Variants in CNTN4 observed in about 807,000 individuals in gnomAD.
The protein encoded by CNTN4 is contactin-4.
In CNTN4, 77 loss-of-function variants were observed where a neutral mutation model predicts 122.5. That is an observed-to-expected ratio of 0.63 (90% CI 0.52 to 0.76). The LOEUF (loss-of-function observed/expected upper bound fraction) is 0.76, where lower values mean the gene tolerates loss of function less well. Ranked by LOEUF, CNTN4 falls within the 30% of genes least tolerant of loss-of-function variation. The probability of loss-of-function intolerance (pLI) is 0.00; values close to 1 mark genes in which losing one functional copy is unlikely to be tolerated. For missense variants in CNTN4, 1,256 were observed against 1,259.1 expected, an observed-to-expected ratio of 1.00 and a Z score of 0.04; for synonymous variants, 512 against 447.0, an observed-to-expected ratio of 1.15 and a Z score of -1.83.
At chr3:2,403,716 G>C (rs1291013399) in intron 3 of CNTN4, among the ~76,000 whole-genome samples, 3 of 152,104 alleles carry the variant, frequency 2.0e-5, no homozygotes, top group Admixed American at 6.5e-5. Context: ...TTCATTTACA[G>C]TATTACATCT....
intron 4 of CNTN4, among the ~76,000 whole-genome samples, chr3:2,675,871 C>T (rs1038874780): frequency 1.3e-5 from 2 of 152,154 alleles, no homozygotes; most frequent in African/African-American, 4.8e-5. Flanking sequence ...CTCATATCAA[C>T]CTCAAAGTTC....
At chr3:2,764,950 A>G (rs140204537) in intron 6 of CNTN4, among the ~76,000 whole-genome samples, 143 of 152,354 alleles carry the variant, frequency 9.4e-4, no homozygotes, top group African/African-American at 3.1e-3. Flanking sequence ...GTATGATTCC[A>G]GGTAATTTGA....
rs75578738 is a variant in CNTN4, at chr3:2,207,172, G to C, written c.-145+106533G>C. ...GTTCTGACTACTGCAGCTACCAGCC[G>C]TTCCTAGTCTCTCTGTCTCTCTTAG... On this transcript the variant is annotated intron_variant, in intron 2 of 24. Transcript: ENST00000418658. 4.2e-3 allele frequency among the ~76,000 whole-genome samples: 646 copies of C among 152,030 alleles called. 3 individuals carry two copies. Among genetic ancestry groups the C allele is most frequent in the African/African-American group, 0.015 (604 of 41,494 alleles).
chr3:3,041,394 A>G (rs1343312562), intron 20 of CNTN4, among the ~76,000 whole-genome samples: 3 of 152,224 alleles, frequency 2.0e-5, no homozygotes, highest in African/African-American at 2.4e-5. Flanking sequence ...ATAATAGTTC[A>G]TGTCTCTGGA....
chr3:2,767,013 G>C (rs1459908595), intron 6 of CNTN4, among the ~76,000 whole-genome samples: 1 of 152,142 alleles, frequency 6.6e-6, no homozygotes, highest in Non-Finnish European at 1.5e-5. Context: ...ATAAGTCAAA[G>C]CTCACTAGGA....
At chr3:2,456,096 C>A (rs753648096) in intron 3 of CNTN4, among the ~76,000 whole-genome samples, 1 of 152,048 alleles carries the variant, frequency 6.6e-6, no homozygotes, top group Non-Finnish European at 1.5e-5. Flanking sequence ...GAGATTGGGT[C>A]ACCTGCTATC....
intron 7 of CNTN4, among the ~76,000 whole-genome samples, chr3:2,865,676 C>G (rs1311344821): frequency 6.6e-6 from 1 of 152,192 alleles, no homozygotes; most frequent in East Asian, 1.9e-4. Flanking sequence ...CTGGAAATTA[C>G]ACTTTAAAGA....
chr3:2,162,346 G>C (rs1469050861), intron 2 of CNTN4, among the ~76,000 whole-genome samples: 2 of 152,182 alleles, frequency 1.3e-5, no homozygotes, highest in African/African-American at 4.8e-5. Flanking sequence ...GTTTTAAAAA[G>C]ATAACAGAAT....
At chr3:2,369,528 A>C (rs778306561) in intron 3 of CNTN4, among the ~76,000 whole-genome samples, 17 of 152,174 alleles carry the variant, frequency 1.1e-4, no homozygotes, top group Non-Finnish European at 2.5e-4. Flanking sequence ...GCAATTATGA[A>C]AGTTGCCAGA....
chr3:2,460,148 T>C (rs2049151885), intron 3 of CNTN4, among the ~76,000 whole-genome samples: 1 of 152,094 alleles, frequency 6.6e-6, no homozygotes, highest in Non-Finnish European at 1.5e-5. Flanking sequence ...GAGGTCACCC[T>C]GACAATAGAA....
intron 2 of CNTN4, among the ~76,000 whole-genome samples, chr3:2,293,581 C>G (rs11923986): frequency 0.011 from 1,690 of 152,234 alleles, 34 homozygotes; most frequent in African/African-American, 0.039. Context: ...TTTTGTGATA[C>G]TAAATGAGTC....
chr3:2,570,532 TAC>T (rs2079377345), intron 3 of CNTN4, among the ~76,000 whole-genome samples: 1 of 152,168 alleles, frequency 6.6e-6, no homozygotes, highest in African/African-American at 2.4e-5. Flanking sequence ...ATTTTCAAAA[TAC>T]AGTTATATTT....
chr3:2,143,760 T>C (rs1484139571), intron 2 of CNTN4, among the ~76,000 whole-genome samples: 1 of 152,222 alleles, frequency 6.6e-6, no homozygotes, highest in Non-Finnish European at 1.5e-5. Flanking sequence ...ATTATGTTGT[T>C]ACAAGTGCAG....
At chr3:2,214,468 G>A (rs1379376668) in intron 2 of CNTN4, among the ~76,000 whole-genome samples, 2 of 152,024 alleles carry the variant, frequency 1.3e-5, no homozygotes, top group African/African-American at 4.8e-5. Context: ...TTCTTGAAAG[G>A]GGTGATGTCC....
intron 12 of CNTN4, among the ~76,000 whole-genome samples, chr3:2,910,420 A>G (rs1344126497): frequency 1.3e-5 from 2 of 152,228 alleles, no homozygotes; most frequent in Admixed American, 1.3e-4. Flanking sequence ...TCCTTTTCAT[A>G]AAAATATTTC....
At chr3:2,267,162 T>C (rs1429222031) in intron 2 of CNTN4, among the ~76,000 whole-genome samples, 5 of 152,198 alleles carry the variant, frequency 3.3e-5, no homozygotes, top group South Asian at 4.1e-4. Context: ...CAACTTACGA[T>C]TGTGGTGTGT....
chr3:2,429,264 T>G (rs2047965850), intron 3 of CNTN4, among the ~76,000 whole-genome samples: 1 of 152,246 alleles, frequency 6.6e-6, no homozygotes, highest in African/African-American at 2.4e-5. Flanking sequence ...GATTTTGTTG[T>G]GGATGTCCTT....
At chr3:2,992,058 C>G (rs1050068818) in intron 14 of CNTN4, among the ~76,000 whole-genome samples, 2 of 152,112 alleles carry the variant, frequency 1.3e-5, no homozygotes, top group African/African-American at 2.4e-5. Context: ...CCCCATGTTT[C>G]GGAGAGAGGC....
intron 2 of CNTN4, among the ~76,000 whole-genome samples, chr3:2,323,646 G>A (rs1005442485): frequency 6.6e-6 from 1 of 152,108 alleles, no homozygotes; most frequent in Non-Finnish European, 1.5e-5. Flanking sequence ...TTTCTTTGAT[G>A]CTTTCTTTTT....
Sources: gnomAD v4.1 joint callset for allele counts (sites outside exome capture counted in the v4.1 genomes callset) on GRCh38, gnomAD v4.1.1 for gene constraint, MANE v1.5 for transcripts, NCBI Gene and HGNC (gene_info 2026-07-23, HGNC 2026-07-21) for gene names.